DOCK3: variants seen among roughly 807,000 people sequenced by gnomAD.
The protein encoded by DOCK3 is dedicator of cytokinesis protein 3.
DOCK3 carries 60 observed loss-of-function variants against 265.6 expected under a neutral mutation model. That is an observed-to-expected ratio of 0.23 (90% CI 0.18 to 0.28). The LOEUF (loss-of-function observed/expected upper bound fraction) is 0.28, where lower values mean the gene tolerates loss of function less well. Among genes scored for constraint, DOCK3 ranks in the 10% least tolerant of loss-of-function variants. DOCK3 has a pLI of 1.00. For synonymous variants in DOCK3, 881 were observed against 938.0 expected (o/e 0.94, Z 1.11); for missense variants, 1,981 against 2,594.3 (o/e 0.76, Z 5.14).
rs2087898252 is a variant in DOCK3 at position 51,374,089 on chromosome 3, TC to T, written c.5294-377del. Among the ~76,000 whole-genome samples, 1 of 152,134 alleles carries T rather than the reference TC, an allele frequency of 6.6e-6. No homozygotes were observed. Among genetic ancestry groups the T allele is most frequent in the South Asian group, 2.1e-4 (1 of 4,826 alleles). ...GTGTCTCCATTGCAAGCTGGCCTGT[TC>T]CCATGCCTGGACCCCAGGAGAGCCC... On this transcript the variant is annotated intron_variant, in intron 49 of 52. Transcript: ENST00000266037. This position sits in a 1 kb window ranked among gnomAD's most constrained non-coding sequence, Gnocchi z 4.8.
intron 2 of DOCK3, among the ~76,000 whole-genome samples, chr3:50,790,319 C>T (rs552914940): frequency 8.5e-5 from 13 of 152,142 alleles, no homozygotes; most frequent in Non-Finnish European, 1.6e-4. Context: ...AGTATTGAGA[C>T]GTGAGGTACT....
chr3:50,786,819 G>A, intron 2 of DOCK3: 1 of 741,762 alleles, frequency 1.3e-6, no homozygotes, highest in South Asian at 1.4e-5. Context: ...ATGTGGGTGT[G>A]TAGCTGGTAA....
intron 3 of DOCK3, among the ~76,000 whole-genome samples, chr3:50,882,044 C>T (rs149939851): frequency 5.3e-5 from 8 of 151,988 alleles, no homozygotes; most frequent in Admixed American, 3.9e-4. Context: ...AAATGGTGCT[C>T]GGAAAACTGG....
chr3:51,111,335 A>G (rs377636558), intron 9 of DOCK3, among the ~76,000 whole-genome samples: 8 of 152,328 alleles, frequency 5.3e-5, no homozygotes, highest in East Asian at 1.9e-4. Context: ...AAAATATACT[A>G]CAAGGCTGCA....
intron 1 of DOCK3, among the ~76,000 whole-genome samples, chr3:50,731,348 C>T (rs1376705731): frequency 6.6e-6 from 1 of 152,040 alleles, no homozygotes; most frequent in Non-Finnish European, 1.5e-5. Context: ...ATAGAATATA[C>T]AAAATCTTGA....
chr3:51,282,220 G>A (rs1490598619), intron 27 of DOCK3, among the ~76,000 whole-genome samples: 2 of 152,122 alleles, frequency 1.3e-5, no homozygotes, highest in African/African-American at 2.4e-5. Flanking sequence ...TAAGGGAGAG[G>A]AATAGGCTAT....
intron 2 of DOCK3, among the ~76,000 whole-genome samples, chr3:50,801,253 G>A (rs1159073906): frequency 1.3e-5 from 2 of 152,090 alleles, no homozygotes; most frequent in African/African-American, 4.8e-5. Flanking sequence ...CCTCCTATTA[G>A]CTAGGGTTAG....
intron 2 of DOCK3, among the ~76,000 whole-genome samples, chr3:50,817,382 C>T (rs2044146653): frequency 6.6e-6 from 1 of 152,182 alleles, no homozygotes; most frequent in African/African-American, 2.4e-5. Context: ...GTCTCAACCT[C>T]CCAGGCTCAA....
At position 51,360,590 on chromosome 3, in the gene DOCK3, G is replaced by A; in HGVS notation, c.4964G>A (p.Ser1655Asn). 1 of 1,613,824 alleles carries A rather than the reference G, an allele frequency of 6.2e-7. No homozygotes were observed. The highest frequency in any genetic ancestry group is 8.5e-7 in the Non-Finnish European group (1 of 1,179,836). ...TPRGNVLASH[S>N]PMSPESIKMT... Reference sequence around the variant, plus strand: ...CGGGGAAATGTTCTGGCATCCCATAGCCCCATGAGTCCGGAGAGCATCAAG... The same window carrying A: ...CGGGGAAATGTTCTGGCATCCCATAACCCCATGAGTCCGGAGAGCATCAAG... The change falls in exon 47 of 53, where the codon AGC (serine) becomes AAC (asparagine). Residue 1655 changes from serine to asparagine, a missense_variant. Physicochemically the swap from Ser to Asn is conservative, Grantham distance 46 (BLOSUM62 1). Around this residue, in one of 4 missense-constraint regions of DOCK3, gnomAD observed 1,357 missense variants for 1,866.8 expected, o/e 0.73. Transcript: ENST00000266037.
intron 2 of DOCK3, among the ~76,000 whole-genome samples, chr3:50,813,737 T>C (rs1458532405): frequency 6.6e-6 from 1 of 152,156 alleles, no homozygotes; most frequent in Non-Finnish European, 1.5e-5. Flanking sequence ...TATTTTACAA[T>C]GAAATAGTAT....
Position 51,338,575 on chromosome 3 carries a change from C to T in DOCK3, c.3672+156C>T, listed in dbSNP as rs150080877. On this transcript the variant is annotated intron_variant, in intron 36 of 52. Coordinates refer to ENST00000266037, the MANE Select transcript of DOCK3 (RefSeq NM_004947.5). ...ACTGGTATCTTAGAGGCCTGCACTC[C>T]CCCAAACACATTCCTACTTGGGGAA... 1.0e-3 allele frequency among the ~76,000 whole-genome samples: 154 copies of T among 152,308 alleles called. 1 individual carries two copies. Among genetic ancestry groups the T allele is most frequent in the African/African-American group, 3.5e-3 (146 of 41,568 alleles).
At chr3:51,379,902 G>A (rs2088480838) in intron 51 of DOCK3, among the ~76,000 whole-genome samples, 1 of 152,238 alleles carries the variant, frequency 6.6e-6, no homozygotes, top group African/African-American at 2.4e-5. Flanking sequence ...AGACTCTGAA[G>A]CACTCAACTT....
chr3:50,874,061 C>CTTTTTT (rs1234594228), intron 3 of DOCK3, among the ~76,000 whole-genome samples: 13 of 104,550 alleles, frequency 1.2e-4, no homozygotes, highest in African/African-American at 4.5e-4. Context: ...TTTTTCTTTT[C>CTTTTTT]TTTTGTTTTT....
rs547928394 is a variant in DOCK3, at chr3:51,020,711, A to G, written c.316-43737A>G. On this transcript the variant is annotated intron_variant, in intron 5 of 52. Transcript: ENST00000266037. ...ATGGCTAGCCAGTTCTCGCAATACC[A>G]TTTATTAAATAGGGAATTCTTTCCT... 2.6e-5 allele frequency among the ~76,000 whole-genome samples: 4 copies of G among 151,980 alleles called. No homozygotes were observed. In the South Asian group the frequency reaches 6.2e-4, roughly 24 times the overall value.
At chr3:51,021,033 G>T (rs886174186) in intron 5 of DOCK3, among the ~76,000 whole-genome samples, 1 of 151,892 alleles carries the variant, frequency 6.6e-6, no homozygotes, top group South Asian at 2.1e-4. Context: ...AATGGGAATA[G>T]CATTGAAACT....
chr3:51,286,025 A>G (rs1393142569), intron 27 of DOCK3, among the ~76,000 whole-genome samples: 1 of 152,206 alleles, frequency 6.6e-6, no homozygotes, highest in Non-Finnish European at 1.5e-5. Flanking sequence ...AGGAAGTCAA[A>G]CTATCTCTAT....
intron 14 of DOCK3, among the ~76,000 whole-genome samples, chr3:51,216,025 T>TG (rs1436448804): frequency 6.6e-6 from 1 of 152,100 alleles, no homozygotes; most frequent in Non-Finnish European, 1.5e-5. Flanking sequence ...AATAAATAGT[T>TG]ACCAAAATTG....
chr3:50,893,199 G>A, intron 4 of DOCK3: 1 of 249,010 alleles, frequency 4.0e-6, no homozygotes. Flanking sequence ...AAGCTGCAAG[G>A]AAGATGAAGG....
chr3:50,832,107 G>A (rs1229981522), intron 2 of DOCK3, among the ~76,000 whole-genome samples: 1 of 152,086 alleles, frequency 6.6e-6, no homozygotes, highest in Non-Finnish European at 1.5e-5. Flanking sequence ...AACAAGTAAT[G>A]GGGAAAGGAT....
Sources: gnomAD v4.1 joint callset for allele counts (sites outside exome capture counted in the v4.1 genomes callset) on GRCh38, gnomAD v4.1.1 for gene constraint, gnomAD v4.1.1 regional missense constraint, Gnocchi (gnomAD v3.1) non-coding constraint, MANE v1.5 for transcripts, NCBI Gene and HGNC (gene_info 2026-07-23, HGNC 2026-07-21) for gene names.